The following BRD4 variants were observed in gnomAD, a reference collection of about 807,000 sequenced individuals.
BRD4 encodes the protein bromodomain-containing protein 4.
In BRD4, 16 loss-of-function variants were observed where a neutral mutation model predicts 142.1. The ratio of observed to expected loss-of-function variants is 0.11; its 90% confidence interval spans 0.08 to 0.17. The LOEUF is 0.17. Among genes scored for constraint, BRD4 ranks in the 10% least tolerant of loss-of-function variants. BRD4 has a pLI of 1.00. For synonymous variants in BRD4, 833 were observed against 707.5 expected (o/e 1.18, Z -2.82); for missense variants, 1,424 against 1,810.9 (o/e 0.79, Z 3.88).
chr19:15,254,326 T>C (rs1256960642), intron 10 of BRD4, 64 bp from the exon 11 acceptor site: 5 of 1,342,470 alleles, frequency 3.7e-6, no homozygotes, highest in South Asian at 3.5e-5. Context: ...CTCTAAGCCA[T>C]GGGCACACCC....
Position 15,255,285 on chromosome 19 carries a change from G to A in BRD4, c.2047+12C>T, listed in dbSNP as rs780276011. 2 of 1,605,468 alleles carry A rather than the reference G, an allele frequency of 1.2e-6. No individual in the cohort carries two copies. Among genetic ancestry groups the A allele is most frequent in the South Asian group, 1.1e-5 (1 of 90,698 alleles). ...ACAGAAGGAACCCCATGCCCAGGGG[G>A]CCCAAGCACACCTTGAGGTTTCCTT... On this transcript the variant is annotated intron_variant, in intron 10 of 19. Transcript: ENST00000679869.
At chr19:15,249,436 C>A in intron 11 of BRD4, 1 of 1,441,372 alleles carries the variant, frequency 6.9e-7, no homozygotes, top group South Asian at 1.2e-5. Context: ...AGACTGGAGC[C>A]CTGCCCCGTG....
At chr19:15,240,458 C>A in intron 14 of BRD4, among the ~76,000 whole-genome samples, 1 of 152,170 alleles carries the variant, frequency 6.6e-6, no homozygotes, top group East Asian at 1.9e-4. Flanking sequence ...CTAGCCTGGC[C>A]CACCTGGATG....
chr19:15,310,398 T>C (rs2047959265), intron 1 of BRD4, among the ~76,000 whole-genome samples: 1 of 95,424 alleles, frequency 1.0e-5, no homozygotes, highest in Non-Finnish European at 2.0e-5. Flanking sequence ...TCTCACTCTG[T>C]GGCCCAGGCT....
intron 1 of BRD4, among the ~76,000 whole-genome samples, chr19:15,294,855 G>A (rs762856779): frequency 1.3e-5 from 2 of 152,208 alleles, no homozygotes; most frequent in Non-Finnish European, 2.9e-5. Flanking sequence ...GTAGCAGGCA[G>A]TCAAGGATAT....
In BRD4 at chr19:15,244,256, G is replaced by C. The variant is rs758140608; in HGVS notation, c.2556C>G (p.Asn852Lys). The change falls in exon 13 of 20, where the codon AAC (asparagine) becomes AAG (lysine). Residue 852 changes from asparagine (N) to lysine (K), a missense_variant. Coordinates refer to ENST00000679869, the MANE Select transcript of BRD4 (RefSeq NM_001379291.1). ...CTGGAGGAGAGACCACTGCGTGCTG[G>C]TTGAGATGGGGTGGAGTGCTGTGCT... ...PPEHSTPPHL[N>K]QHAVVSPPAL... is the part of the protein sequence containing the mutation. 7 of 1,579,492 alleles carry C rather than the reference G, an allele frequency of 4.4e-6. No homozygotes were observed. Among genetic ancestry groups the C allele is most frequent in the Non-Finnish European group, 6.0e-6 (7 of 1,165,162 alleles).
chr19:15,245,924 G>A (rs1243343510), intron 11 of BRD4, among the ~76,000 whole-genome samples: 5 of 152,168 alleles, frequency 3.3e-5, no homozygotes, highest in Admixed American at 6.5e-5. Context: ...GATCTGCTTC[G>A]TGGAGGGCCA....
At chr19:15,293,982 AT>A (rs1486462974) in intron 1 of BRD4, among the ~76,000 whole-genome samples, 1 of 152,224 alleles carries the variant, frequency 6.6e-6, no homozygotes, top group Non-Finnish European at 1.5e-5. Flanking sequence ...TGTGAAATAC[AT>A]ATTTGGTCTT....
intron 1 of BRD4, among the ~76,000 whole-genome samples, chr19:15,329,270 T>C (rs964959601): frequency 1.3e-5 from 2 of 152,160 alleles, no homozygotes; most frequent in African/African-American, 2.4e-5. Context: ...CTTTCCTTTT[T>C]ACAGATTTGC....
intron 6 of BRD4, 89 bp from the exon 7 acceptor site, chr19:15,263,637 G>A (rs904260577): frequency 3.2e-6 from 5 of 1,542,882 alleles, no homozygotes; most frequent in Middle Eastern, 1.7e-4. Context: ...ATGCCTAGAA[G>A]AGCAAGTTGG....
At position 15,238,633 on chromosome 19, in the gene BRD4, G is replaced by A. The variant is rs927035947; in HGVS notation, c.4020+110C>T. The stretch of plus-strand genomic sequence containing the variant: ...CCAGAGGACCACATGCCGACCAGCA[G>A]GGACGGGGCTCCCCCGCTGCCCCTC... On this transcript the variant is annotated intron_variant, in intron 19 of 19. Coordinates refer to ENST00000679869, the MANE Select transcript of BRD4 (RefSeq NM_001379291.1). The surrounding 1 kb of genome is among the most constrained non-coding windows in gnomAD (Gnocchi z 7.2). 2.4e-5 allele frequency: 35 copies of A among 1,457,640 alleles called. No homozygotes were observed. The African/African-American group carries it at 4.4e-4, about 18-fold the overall frequency. 90.3% of individuals were successfully genotyped at this position (1,457,640 alleles called of 1,614,324 possible).
chr19:15,325,327 G>A (rs1277318297), intron 1 of BRD4, among the ~76,000 whole-genome samples: 1 of 152,174 alleles, frequency 6.6e-6, no homozygotes, highest in African/African-American at 2.4e-5. Context: ...CAGCAAAAAT[G>A]AGATAGGACT....
intron 11 of BRD4, among the ~76,000 whole-genome samples, chr19:15,251,617 C>A (rs1251429682): frequency 1.3e-5 from 2 of 152,094 alleles, no homozygotes; most frequent in Non-Finnish European, 2.9e-5. Flanking sequence ...GCTGAAGGAG[C>A]TACGCCCCCT....
chr19:15,288,225 C>A (rs2047754792), intron 1 of BRD4, among the ~76,000 whole-genome samples: 1 of 152,130 alleles, frequency 6.6e-6, no homozygotes, highest in Admixed American at 6.5e-5. Context: ...TCCCTGCTTT[C>A]AAAGAGAATG....
chr19:15,238,409 G>A lies in BRD4; in HGVS notation c.4057C>T (p.Leu1353=), dbSNP rs376522537. 1.1e-5 allele frequency: 17 copies of A among 1,614,140 alleles called. No homozygotes were observed. The African/African-American group carries it at 2.3e-4, about 22-fold the overall frequency. ...ATIDMNFQSD[L]LSIFEENLF ...AGATTTTCTTCAAATATTGACAATAGATCACTCTGGAAATTCATGTCAATG... is the reference window on the plus strand; with the variant it reads ...AGATTTTCTTCAAATATTGACAATAAATCACTCTGGAAATTCATGTCAATG... The change falls in exon 20 of 20, where the codon CTA becomes TTA. Residue 1353 remains leucine (L), a synonymous_variant. Coordinates refer to ENST00000679869, the MANE Select transcript of BRD4 (RefSeq NM_001379291.1). The surrounding 1 kb of genome is among the most constrained non-coding windows in gnomAD (Gnocchi z 7.2).
chr19:15,294,383 C>G (rs759020095), intron 1 of BRD4, among the ~76,000 whole-genome samples: 4 of 152,214 alleles, frequency 2.6e-5, no homozygotes, highest in Non-Finnish European at 4.4e-5. Context: ...GGAAACACCT[C>G]ATGTGAATGG....
At chr19:15,317,528 A>G (rs1264905718) in intron 1 of BRD4, among the ~76,000 whole-genome samples, 2 of 152,190 alleles carry the variant, frequency 1.3e-5, no homozygotes, top group Non-Finnish European at 2.9e-5. Context: ...ATTCATAGGC[A>G]GCTATTTGCT....
At chr19:15,248,074 A>T (rs965079327) in intron 11 of BRD4, 1 of 198,020 alleles carries the variant, frequency 5.0e-6, no homozygotes, top group African/African-American at 2.6e-5. Context: ...AAGCACCCAC[A>T]ATCTACACTT....
intron 1 of BRD4, among the ~76,000 whole-genome samples, chr19:15,310,306 T>A (rs1250230216): frequency 8.6e-6 from 1 of 116,454 alleles, no homozygotes; most frequent in African/African-American, 3.3e-5. Flanking sequence ...CTCCGCCTCC[T>A]GGGTGACTGG....
Sources: gnomAD v4.1 joint callset for allele counts (sites outside exome capture counted in the v4.1 genomes callset) on GRCh38, gnomAD v4.1.1 for gene constraint, Gnocchi (gnomAD v3.1) non-coding constraint, MANE v1.5 for transcripts, NCBI Gene and HGNC (gene_info 2026-07-23, HGNC 2026-07-21) for gene names.